Variants in CNTNAP2 observed in about 807,000 individuals in gnomAD.
The protein encoded by CNTNAP2 is contactin associated protein 2.
CNTNAP2 carries 98 observed loss-of-function variants against 155.2 expected under a neutral mutation model. That is an observed-to-expected ratio of 0.63 (90% confidence interval 0.54 to 0.75). CNTNAP2 has a LOEUF of 0.75. Ranked by LOEUF, CNTNAP2 falls within the 30% of genes least tolerant of loss-of-function variation. The pLI, the probability that CNTNAP2 is intolerant of heterozygous loss-of-function variation, is 0.00. For synonymous variants in CNTNAP2, 651 were observed against 631.2 expected (o/e 1.03, Z -0.47); for missense variants, 1,727 against 1,688.1 (o/e 1.02, Z -0.40).
At chr7:146,756,462 G>C (rs1224076632) in intron 1 of CNTNAP2, among the ~76,000 whole-genome samples, 4 of 151,938 alleles carry the variant, frequency 2.6e-5, no homozygotes, top group Non-Finnish European at 5.9e-5. Flanking sequence ...CTCTAGTATA[G>C]CACTTGATAG....
At chr7:148,295,623 C>G (rs1345092692) in intron 21 of CNTNAP2, among the ~76,000 whole-genome samples, 1 of 135,972 alleles carries the variant, frequency 7.4e-6, no homozygotes, top group Non-Finnish European at 1.6e-5. Context: ...TCCCGAGTAG[C>G]TGGGACTACC....
intron 13 of CNTNAP2, among the ~76,000 whole-genome samples, chr7:147,876,857 G>A (rs1197251833): frequency 6.6e-6 from 1 of 152,132 alleles, no homozygotes; most frequent in Admixed American, 6.5e-5. Flanking sequence ...GAACATTAGA[G>A]GGGGGTGTGC....
intron 9 of CNTNAP2, among the ~76,000 whole-genome samples, chr7:147,390,469 T>C (rs1389479449): frequency 6.6e-6 from 1 of 152,158 alleles, no homozygotes; most frequent in Non-Finnish European, 1.5e-5. Flanking sequence ...AGGCTGCAGA[T>C]ACATGTTTCC....
chr7:146,523,132 A>G (rs1022233852), intron 1 of CNTNAP2, among the ~76,000 whole-genome samples: 3 of 151,842 alleles, frequency 2.0e-5, no homozygotes, highest in Non-Finnish European at 2.9e-5. Flanking sequence ...GTTGTCCTTT[A>G]TCCCTTGCTC....
At chr7:146,240,206 T>G (rs113356259) in intron 1 of CNTNAP2, among the ~76,000 whole-genome samples, 4,856 of 152,264 alleles carry the variant, frequency 0.032, 146 homozygotes, top group African/African-American at 0.078. Context: ...GAAATGAATT[T>G]ATCTAGGTTA....
intron 9 of CNTNAP2, among the ~76,000 whole-genome samples, chr7:147,347,421 T>TATATATATATATATATATGC (rs1390954551): frequency 1.8e-5 from 1 of 55,356 alleles, no homozygotes; most frequent in South Asian, 5.4e-4. Flanking sequence ...GTGAAAAGAT[T>TATATATATATATATATATGC]ATATATATAT....
At chr7:147,216,456 C>A (rs910872260) in intron 8 of CNTNAP2, among the ~76,000 whole-genome samples, 7 of 151,852 alleles carry the variant, frequency 4.6e-5, no homozygotes, top group African/African-American at 1.7e-4. Flanking sequence ...ATCGTATAGC[C>A]TTTGCTTCTT....
chr7:147,206,432 G>A (rs1300592623), intron 8 of CNTNAP2, among the ~76,000 whole-genome samples: 2 of 152,018 alleles, frequency 1.3e-5, no homozygotes, highest in East Asian at 3.9e-4. Context: ...GCATGGTGGT[G>A]TATGCCTGTA....
chr7:148,233,948 C>T (rs1000787822), intron 20 of CNTNAP2, among the ~76,000 whole-genome samples: 2 of 152,184 alleles, frequency 1.3e-5, no homozygotes. Flanking sequence ...TTGCCCTCTT[C>T]CTCCTTCTCA....
At chr7:146,632,954 T>A (rs344445) in intron 1 of CNTNAP2, among the ~76,000 whole-genome samples, 4,362 of 144,028 alleles carry the variant, frequency 0.03, 232 homozygotes, top group African/African-American at 0.1. Flanking sequence ...AAAAAAAAAA[T>A]ACAAAATATC....
At chr7:147,541,876 A>T (rs908172399) in intron 11 of CNTNAP2, among the ~76,000 whole-genome samples, 1 of 152,204 alleles carries the variant, frequency 6.6e-6, no homozygotes, top group Non-Finnish European at 1.5e-5. Context: ...AGGTGAAATC[A>T]TCGAGCAACT....
chr7:146,697,985 GTTTGCAATATACA>G (rs896737855), intron 1 of CNTNAP2, among the ~76,000 whole-genome samples: 20 of 151,806 alleles, frequency 1.3e-4, no homozygotes, highest in South Asian at 4.2e-4. Context: ...TTACCTTAGC[GTTTGCAATATACA>G]TTTGCAATAT....
chr7:146,702,314 GTATTC>G (rs957084193), intron 1 of CNTNAP2, among the ~76,000 whole-genome samples: 11 of 152,066 alleles, frequency 7.2e-5, no homozygotes, highest in African/African-American at 2.4e-4. Context: ...AAAAAATTAA[GTATTC>G]TATTAAAAGG....
Position 146,734,901 on chromosome 7 carries a change from C to T in CNTNAP2, c.98-39370C>T, listed in dbSNP as rs926934772. Among the ~76,000 whole-genome samples, 4 of 152,232 alleles carry T rather than the reference C, an allele frequency of 2.6e-5. No homozygotes were observed. In the South Asian group the frequency reaches 8.3e-4, roughly 32 times the overall value. On this transcript the variant is annotated intron_variant, in intron 1 of 23. Transcript: ENST00000361727. ...TTTTGAGTAATGCTGTTATCTTTCACCTCTGGAGTGTTCACAAAATCTATT... is the reference window on the plus strand; with the variant it reads ...TTTTGAGTAATGCTGTTATCTTTCATCTCTGGAGTGTTCACAAAATCTATT...
chr7:147,579,683 C>T (rs1416502286), intron 12 of CNTNAP2, among the ~76,000 whole-genome samples: 2 of 152,196 alleles, frequency 1.3e-5, no homozygotes, highest in South Asian at 2.1e-4. Flanking sequence ...TAATGGACTC[C>T]CTTTTTAAAA....
intron 10 of CNTNAP2, among the ~76,000 whole-genome samples, chr7:147,446,872 T>G (rs1797748278): frequency 6.6e-6 from 1 of 152,160 alleles, no homozygotes; most frequent in African/African-American, 2.4e-5. Context: ...TTAGGGTGTC[T>G]GATAAGAAAA....
At chr7:146,393,958 A>T (rs4726785) in intron 1 of CNTNAP2, among the ~76,000 whole-genome samples, 1 of 151,998 alleles carries the variant, frequency 6.6e-6, no homozygotes, top group African/African-American at 2.4e-5. Context: ...AAGCAAAAAT[A>T]TATTGTTAAC....
chr7:146,852,979 A>G (rs1794908793), intron 3 of CNTNAP2, among the ~76,000 whole-genome samples: 2 of 152,204 alleles, frequency 1.3e-5, no homozygotes, highest in African/African-American at 4.8e-5. Flanking sequence ...TGGAAAACAG[A>G]GCTGTGTATG....
At chr7:147,963,189 T>G (rs1801142270) in intron 14 of CNTNAP2, among the ~76,000 whole-genome samples, 1 of 152,166 alleles carries the variant, frequency 6.6e-6, no homozygotes, top group African/African-American at 2.4e-5. Context: ...TAGATTTTTT[T>G]TTGTTGGTCA....
Sources: gnomAD v4.1 joint callset for allele counts (sites outside exome capture counted in the v4.1 genomes callset) on GRCh38, gnomAD v4.1.1 for gene constraint, MANE v1.5 for transcripts, NCBI Gene and HGNC (gene_info 2026-07-23, HGNC 2026-07-21) for gene names.